Variants in CHLSN observed in about 807,000 individuals in gnomAD.
CHLSN encodes the protein cholesin, also known as protein cholesin.
the CHLSN span, chr7:997,674 A>AGG: frequency 2.5e-6 from 4 of 1,609,988 alleles, no homozygotes; most frequent in Non-Finnish European, 2.5e-6. Context: ...CCTCCCCGGC[A>AGG]GGGGGGGATC....
chr7:996,353 G>A, the CHLSN span, among the ~76,000 whole-genome samples: 3 of 152,262 alleles, frequency 2.0e-5, no homozygotes, highest in Admixed American at 2.0e-4. Flanking sequence ...AGCTCTGTTG[G>A]GGGGCGGGGC....
chr7:1,017,023 C>T, the CHLSN span, among the ~76,000 whole-genome samples: 12 of 151,656 alleles, frequency 7.9e-5, no homozygotes, highest in East Asian at 3.9e-4. Flanking sequence ...CACACAGCAG[C>T]GCCCACCCAC....
the CHLSN span, among the ~76,000 whole-genome samples, chr7:1,007,301 G>A: frequency 6.6e-6 from 1 of 152,244 alleles, no homozygotes; most frequent in Non-Finnish European, 1.5e-5. Context: ...TCCTTCCTGA[G>A]TCCCAGTCCA....
the CHLSN span, among the ~76,000 whole-genome samples, chr7:1,014,928 C>G: frequency 2.6e-5 from 4 of 152,350 alleles, no homozygotes; most frequent in Non-Finnish European, 5.9e-5. Context: ...CCTGCAGGGA[C>G]GGTGCAGTGA....
At chr7:1,064,837 G>T in the CHLSN span, among the ~76,000 whole-genome samples, 7 of 152,204 alleles carry the variant, frequency 4.6e-5, no homozygotes, top group Admixed American at 4.6e-4. Context: ...GGCTCCAGAA[G>T]CCCCAGCCCA....
chr7:1,053,478 G>A, the CHLSN span, among the ~76,000 whole-genome samples: 13 of 152,326 alleles, frequency 8.5e-5, no homozygotes, highest in Admixed American at 2.0e-4. Flanking sequence ...CACATGACTC[G>A]CCAGGCCCTG....
At chr7:1,096,590 C>T in the CHLSN span, among the ~76,000 whole-genome samples, 1 of 152,230 alleles carries the variant, frequency 6.6e-6, no homozygotes, top group Non-Finnish European at 1.5e-5. This position sits in a 1 kb window ranked among gnomAD's most constrained non-coding sequence, Gnocchi z 4.6. Flanking sequence ...GAGATAAAAT[C>T]AAGGCGTCTT....
At chr7:995,732 C>T in the CHLSN span, among the ~76,000 whole-genome samples, 1 of 152,256 alleles carries the variant, frequency 6.6e-6, no homozygotes, top group Admixed American at 6.5e-5. Context: ...TGCAACGTGC[C>T]TTCCTGTTTG....
At chr7:1,082,676 G>C in the CHLSN span, among the ~76,000 whole-genome samples, 2 of 152,186 alleles carry the variant, frequency 1.3e-5, no homozygotes, top group African/African-American at 4.8e-5. Flanking sequence ...CACAGCCCCT[G>C]GGGGGCAGGG....
At chr7:1,063,935 C>T in the CHLSN span, among the ~76,000 whole-genome samples, 26 of 152,186 alleles carry the variant, frequency 1.7e-4, no homozygotes, top group African/African-American at 6.3e-4. Context: ...CAAGTCCCCA[C>T]CTGGAAGATG....
chr7:1,037,655 G>A, the CHLSN span, among the ~76,000 whole-genome samples: 1 of 136,552 alleles, frequency 7.3e-6, no homozygotes. Flanking sequence ...TGCAGCCTCT[G>A]CCCGGCCGCC....
At chr7:1,044,161 A>G in the CHLSN span, among the ~76,000 whole-genome samples, 2 of 152,362 alleles carry the variant, frequency 1.3e-5, no homozygotes, top group East Asian at 3.9e-4. Flanking sequence ...GTGTACCTGG[A>G]AGGACTAACT....
At chr7:1,132,976 T>A in the CHLSN span, among the ~76,000 whole-genome samples, 4 of 152,168 alleles carry the variant, frequency 2.6e-5, 1 homozygote, top group South Asian at 8.3e-4. Flanking sequence ...TAAAAATGTG[T>A]CCAATGATGT....
chr7:1,110,860 C>A, the CHLSN span, among the ~76,000 whole-genome samples: 2 of 147,742 alleles, frequency 1.4e-5, no homozygotes, highest in Non-Finnish European at 3.0e-5. Context: ...CAAAAAAAAA[C>A]CAAATGACCA....
the CHLSN span, among the ~76,000 whole-genome samples, chr7:1,021,181 AACCTCCAGGTTGGGG>A: frequency 4.0e-5 from 6 of 148,934 alleles, no homozygotes; most frequent in Admixed American, 4.0e-4. Context: ...CCAGGTTAAG[AACCTCCAGGTTGGGG>A]ACCTCCAGAC....
the CHLSN span, among the ~76,000 whole-genome samples, chr7:1,009,071 C>T: frequency 0.017 from 2,298 of 133,560 alleles, 20 homozygotes; most frequent in Middle Eastern, 0.046. Context: ...GTGCACGCAG[C>T]GTGCACATCC....
the CHLSN span, among the ~76,000 whole-genome samples, chr7:1,059,517 G>GTAGTGAGGCGGGTCT: frequency 8.5e-6 from 1 of 117,850 alleles, no homozygotes; most frequent in Middle Eastern, 5.8e-3. Flanking sequence ...GGGCGGGTCT[G>GTAGTGAGGCGGGTCT]TAGTGAGGCG....
the CHLSN span, among the ~76,000 whole-genome samples, chr7:1,135,986 AGC>A: frequency 8.6e-6 from 1 of 116,272 alleles, no homozygotes; most frequent in Non-Finnish European, 1.6e-5. Flanking sequence ...TAAATATATA[AGC>A]ATATATAAAT....
chr7:1,105,493 C>T, the CHLSN span, among the ~76,000 whole-genome samples: 18 of 152,316 alleles, frequency 1.2e-4, no homozygotes, highest in Non-Finnish European at 2.2e-4. Flanking sequence ...AGACGCTGAT[C>T]GTTACTCACT....
Sources: gnomAD v4.1 joint callset for allele counts (sites outside exome capture counted in the v4.1 genomes callset) on GRCh38, gnomAD v4.1.1 for gene constraint, Gnocchi (gnomAD v3.1) non-coding constraint, MANE v1.5 for transcripts, NCBI Gene and HGNC (gene_info 2026-07-23, HGNC 2026-07-21) for gene names.